The following PEPD variants were observed in gnomAD, a reference collection of about 807,000 sequenced individuals.
The protein encoded by PEPD is xaa-Pro dipeptidase.
PEPD carries 53 observed loss-of-function variants against 60.7 expected under a neutral mutation model. The observed-to-expected ratio is 0.87, with a 90% CI of 0.70 to 1.10. The LOEUF (loss-of-function observed/expected upper bound fraction) is 1.10, where lower values mean the gene tolerates loss of function less well. Among genes scored for constraint, PEPD ranks in the 50% least tolerant of loss-of-function variants. The pLI, the probability that PEPD is intolerant of heterozygous loss-of-function variation, is 0.00. For missense variants in PEPD, 711 were observed against 711.9 expected, an observed-to-expected ratio of 1.00 and a Z score of 0.01; for synonymous variants, 267 against 284.1, an observed-to-expected ratio of 0.94 and a Z score of 0.60.
chr19:33,514,189 G>A (rs1011876767), intron 1 of PEPD, among the ~76,000 whole-genome samples: 24 of 152,134 alleles, frequency 1.6e-4, no homozygotes, highest in African/African-American at 4.8e-4. Context: ...GAGCCCCTGC[G>A]GCTCTCCAGC....
intron 9 of PEPD, among the ~76,000 whole-genome samples, chr19:33,422,838 C>CTAT (rs1568463735): frequency 0.043 from 3,548 of 82,800 alleles, 48 homozygotes; most frequent in South Asian, 0.077. Context: ...ATCTATCTAT[C>CTAT]CATCTATCCA....
intron 9 of PEPD, among the ~76,000 whole-genome samples, chr19:33,448,861 C>A (rs1969642837): frequency 6.6e-6 from 1 of 152,178 alleles, no homozygotes. Flanking sequence ...TTCAATGAAC[C>A]AAAATAAAGT....
chr19:33,450,628 C>A (rs1243156295), intron 9 of PEPD, among the ~76,000 whole-genome samples: 1 of 152,120 alleles, frequency 6.6e-6, no homozygotes, highest in Non-Finnish European at 1.5e-5. Context: ...AAATTGAGGT[C>A]CACATTGGAT....
At chr19:33,412,746 T>C (rs1391165532) in intron 10 of PEPD, among the ~76,000 whole-genome samples, 2 of 152,230 alleles carry the variant, frequency 1.3e-5, no homozygotes, top group Admixed American at 6.5e-5. Context: ...GTATTATTCA[T>C]GTGCCGGGGA....
chr19:33,394,442 C>T (rs577886505), intron 12 of PEPD, among the ~76,000 whole-genome samples: 6 of 152,382 alleles, frequency 3.9e-5, no homozygotes, highest in Non-Finnish European at 8.8e-5. Flanking sequence ...GCCTGTGCAC[C>T]CTCGGGGAAG....
At chr19:33,492,982 G>A (rs945808606) in intron 5 of PEPD, among the ~76,000 whole-genome samples, 5 of 152,024 alleles carry the variant, frequency 3.3e-5, no homozygotes, top group Non-Finnish European at 5.9e-5. Context: ...GCTCAAGCAC[G>A]CCTCCCACCT....
At chr19:33,514,895 C>A (rs1373666368) in intron 1 of PEPD, among the ~76,000 whole-genome samples, 2 of 152,072 alleles carry the variant, frequency 1.3e-5, no homozygotes, top group Non-Finnish European at 2.9e-5. Flanking sequence ...CCTTAACGTT[C>A]GCACAGCTCT....
At chr19:33,433,265 CCT>C (rs1404529380) in intron 9 of PEPD, among the ~76,000 whole-genome samples, 1 of 152,184 alleles carries the variant, frequency 6.6e-6, no homozygotes. Flanking sequence ...GGCTGGCTCT[CCT>C]CTCTTTCAGT....
At chr19:33,492,743 T>C (rs888166898) in intron 5 of PEPD, among the ~76,000 whole-genome samples, 1 of 148,312 alleles carries the variant, frequency 6.7e-6, no homozygotes, top group African/African-American at 2.4e-5. Context: ...ACCTTAGGAG[T>C]GGGTGTGGCG....
intron 14 of PEPD, 22 bp downstream of exon 14, chr19:33,387,868 A>C (rs774507387): frequency 9.7e-6 from 15 of 1,544,338 alleles, no homozygotes; most frequent in Non-Finnish European, 1.3e-5. Flanking sequence ...TGGGAGCAAG[A>C]ATGGGGCCCG....
intron 4 of PEPD, among the ~76,000 whole-genome samples, chr19:33,494,133 C>G (rs772103894): frequency 5.9e-5 from 9 of 152,196 alleles, no homozygotes; most frequent in Non-Finnish European, 1.2e-4. Context: ...GGAGCAATTT[C>G]TTCCTCTGCC....
chr19:33,429,540 G>T (rs1969227218), intron 9 of PEPD, among the ~76,000 whole-genome samples: 1 of 152,296 alleles, frequency 6.6e-6, no homozygotes, highest in South Asian at 2.1e-4. Flanking sequence ...ACACAGCAGT[G>T]TTTGAAATAT....
chr19:33,433,210 C>G (rs1421219101), intron 9 of PEPD, among the ~76,000 whole-genome samples: 1 of 152,232 alleles, frequency 6.6e-6, no homozygotes, highest in African/African-American at 2.4e-5. Context: ...TCCCCAGCAA[C>G]TTCACTAAGG....
At chr19:33,390,705 G>C (rs1437303675) in intron 13 of PEPD, among the ~76,000 whole-genome samples, 1 of 152,238 alleles carries the variant, frequency 6.6e-6, no homozygotes, top group Non-Finnish European at 1.5e-5. Context: ...GGGGAACCTT[G>C]TCTGGAGATG....
intron 7 of PEPD, among the ~76,000 whole-genome samples, chr19:33,470,155 C>T (rs1231885904): frequency 6.6e-6 from 1 of 152,182 alleles, no homozygotes; most frequent in African/African-American, 2.4e-5. Flanking sequence ...CCTCCACGAC[C>T]TCCCTCAGGC....
chr19:33,457,386 G>A (rs545014556), intron 9 of PEPD, among the ~76,000 whole-genome samples: 2 of 152,282 alleles, frequency 1.3e-5, no homozygotes, highest in African/African-American at 4.8e-5. Context: ...AGCAGAGATC[G>A]CCCCAGAGGG....
At chr19:33,516,243 C>G (rs56945199) in intron 1 of PEPD, among the ~76,000 whole-genome samples, 1 of 152,164 alleles carries the variant, frequency 6.6e-6, no homozygotes, top group Non-Finnish European at 1.5e-5. Context: ...CGAATTCTTC[C>G]TGCAAATTCG....
chr19:33,511,848 G>A (rs561835501), intron 2 of PEPD, among the ~76,000 whole-genome samples: 8 of 152,284 alleles, frequency 5.3e-5, no homozygotes, highest in East Asian at 1.9e-4. Flanking sequence ...GCAGCTGCGC[G>A]AACAATGGAG....
At chr19:33,434,231 A>G (rs886852111) in intron 9 of PEPD, among the ~76,000 whole-genome samples, 1 of 152,002 alleles carries the variant, frequency 6.6e-6, no homozygotes, top group Admixed American at 6.6e-5. Context: ...GGACACCCAC[A>G]GTTTACCCAC....
Sources: gnomAD v4.1 joint callset for allele counts (sites outside exome capture counted in the v4.1 genomes callset) on GRCh38, gnomAD v4.1.1 for gene constraint, MANE v1.5 for transcripts, NCBI Gene and HGNC (gene_info 2026-07-23, HGNC 2026-07-21) for gene names.